Variants in PIP5K1B observed in about 807,000 individuals in gnomAD.
PIP5K1B encodes phosphatidylinositol 4-phosphate 5-kinase type-1 beta.
In PIP5K1B, 42 loss-of-function variants were observed where a neutral mutation model predicts 67.0. The observed-to-expected ratio is 0.63, with a 90% CI of 0.49 to 0.81. The LOEUF is 0.81. PIP5K1B is among the 30% of genes least tolerant of loss of function. PIP5K1B has a pLI of 0.00. For synonymous variants in PIP5K1B, 214 were observed against 231.4 expected, an observed-to-expected ratio of 0.92 and a Z score of 0.68; for missense variants, 459 against 646.3, an observed-to-expected ratio of 0.71 and a Z score of 3.14.
chr9:68,957,935 G>C lies in PIP5K1B; in HGVS notation c.1502+17145G>C, dbSNP rs545321627. ...GTTGCCCAGGCTGGAGTGCAGTGGT[G>C]CAATCTCAGCTCACTGCATCCTCTG... On this transcript the variant is annotated intron_variant, in intron 14 of 15. Transcript: ENST00000265382. Among the ~76,000 whole-genome samples the C allele has an allele frequency of 4.6e-5, 7 of 151,556 alleles. No individual in the cohort carries two copies. In the East Asian group the frequency reaches 9.7e-4, roughly 21 times the overall value.
intron 14 of PIP5K1B, among the ~76,000 whole-genome samples, chr9:68,968,972 G>T (rs1400836953): frequency 6.6e-6 from 1 of 152,114 alleles, no homozygotes; most frequent in African/African-American, 2.4e-5. Flanking sequence ...GACAAACCTG[G>T]GTTGGAAACC....
At chr9:68,851,259 G>T (rs543593756) in intron 4 of PIP5K1B, among the ~76,000 whole-genome samples, 1 of 152,244 alleles carries the variant, frequency 6.6e-6, no homozygotes, top group East Asian at 1.9e-4. Context: ...TGGATATACT[G>T]GGATCTTGTT....
chr9:68,956,936 A>G (rs1828428215), intron 14 of PIP5K1B, among the ~76,000 whole-genome samples: 1 of 152,190 alleles, frequency 6.6e-6, no homozygotes, highest in Admixed American at 6.5e-5. Context: ...AGAGGGCAGT[A>G]CAAATATTAC....
At chr9:68,715,956 T>G (rs1182225187) in intron 1 of PIP5K1B, among the ~76,000 whole-genome samples, 1 of 152,230 alleles carries the variant, frequency 6.6e-6, no homozygotes, top group Non-Finnish European at 1.5e-5. Context: ...ATACCTGAGA[T>G]ACTAGTGTCT....
intron 1 of PIP5K1B, among the ~76,000 whole-genome samples, chr9:68,737,731 C>A (rs938289241): frequency 1.4e-4 from 22 of 152,316 alleles, no homozygotes; most frequent in African/African-American, 5.1e-4. Context: ...ATTCCTAAAA[C>A]TTTCAATGTG....
At chr9:68,789,663 T>C in intron 2 of PIP5K1B, 2 of 317,518 alleles carry the variant, frequency 6.3e-6, no homozygotes, top group South Asian at 5.8e-5. Flanking sequence ...GAAAAGTCTA[T>C]AAATCATGAT....
chr9:68,774,417 T>A (rs894106168), intron 2 of PIP5K1B, among the ~76,000 whole-genome samples: 2 of 152,190 alleles, frequency 1.3e-5, no homozygotes, highest in East Asian at 3.8e-4. Flanking sequence ...AGATTTCTGG[T>A]TAGTGTTTGA....
chr9:68,894,606 G>A lies in PIP5K1B; in HGVS notation c.739G>A (p.Ala247Thr), dbSNP rs752068701. ...GTATTTTGATACGGAAACATACAAC[G>A]CGCTTATGAAAACACTTCAGAGAGA... ...GLYFDTETYN[A>T]LMKTLQRDCR... Residue 247 changes from alanine (A) to threonine (T), a missense_variant, in exon 8 of 16, where the codon GCG becomes ACG. Ala to Thr is a moderately conservative substitution (Grantham distance 58, BLOSUM62 0). This residue lies in a region of PIP5K1B where 290 missense variants were observed against 474.4 expected (regional missense o/e 0.61). Transcript: ENST00000265382. 1 of 1,614,084 alleles carries A rather than the reference G, an allele frequency of 6.2e-7. No homozygotes were observed.
chr9:68,817,440 A>G (rs1318619621), intron 2 of PIP5K1B, among the ~76,000 whole-genome samples: 5 of 152,262 alleles, frequency 3.3e-5, no homozygotes, highest in African/African-American at 1.2e-4. Flanking sequence ...AAGACTGTTT[A>G]TTCCTGCTCT....
intron 4 of PIP5K1B, among the ~76,000 whole-genome samples, chr9:68,831,359 C>T (rs1429438914): frequency 2.0e-5 from 3 of 152,238 alleles, no homozygotes; most frequent in African/African-American, 7.2e-5. Flanking sequence ...TTAGAAAATA[C>T]ATTTAATCTT....
chr9:68,978,337 T>G (rs1317946368), intron 14 of PIP5K1B, among the ~76,000 whole-genome samples: 1 of 152,258 alleles, frequency 6.6e-6, no homozygotes, highest in Non-Finnish European at 1.5e-5. Flanking sequence ...GAGTTCAGCT[T>G]TCTTAGATTT....
At chr9:68,789,561 T>C (rs1831840577) in intron 2 of PIP5K1B, 2 of 488,648 alleles carry the variant, frequency 4.1e-6, no homozygotes, top group Admixed American at 4.5e-5. Context: ...AGTAGCTTGT[T>C]CTTGCACCTC....
chr9:68,904,769 T>TTA (rs56025513), intron 8 of PIP5K1B, among the ~76,000 whole-genome samples: 5 of 150,432 alleles, frequency 3.3e-5, no homozygotes, highest in Admixed American at 6.6e-5. Flanking sequence ...TTTTTTTTTT[T>TTA]AAACTCTCAC....
At chr9:68,959,666 T>C (rs1828608434) in intron 14 of PIP5K1B, among the ~76,000 whole-genome samples, 1 of 152,226 alleles carries the variant, frequency 6.6e-6, no homozygotes, top group Non-Finnish European at 1.5e-5. Context: ...TCCTATTAGA[T>C]TGTAATTTAC....
chr9:69,006,539 G>A (rs1324007424), intron 15 of PIP5K1B, among the ~76,000 whole-genome samples: 1 of 152,156 alleles, frequency 6.6e-6, no homozygotes, highest in Non-Finnish European at 1.5e-5. Context: ...TAATACCTAA[G>A]CCTTTCTTCC....
chr9:68,843,058 T>C (rs981820193), intron 4 of PIP5K1B: 3 of 152,168 alleles, frequency 2.0e-5, no homozygotes, highest in African/African-American at 7.2e-5. Flanking sequence ...GTCCTATGGT[T>C]GAGGATTTTT....
At chr9:68,865,358 A>G (rs548610070) in intron 5 of PIP5K1B, among the ~76,000 whole-genome samples, 6 of 151,528 alleles carry the variant, frequency 4.0e-5, no homozygotes, top group Non-Finnish European at 8.8e-5. Flanking sequence ...GGGGGTCATG[A>G]GTTTATCTTC....
intron 15 of PIP5K1B, among the ~76,000 whole-genome samples, chr9:68,999,371 C>T (rs139547322): frequency 6.6e-5 from 10 of 152,330 alleles, no homozygotes; most frequent in Non-Finnish European, 1.5e-4. Context: ...CTGCTCCTTA[C>T]CACACATAGC....
intron 2 of PIP5K1B, chr9:68,780,962 C>T (rs778750045): frequency 1.9e-6 from 3 of 1,614,232 alleles, no homozygotes; most frequent in Non-Finnish European, 2.5e-6. Context: ...CTACCACCGA[C>T]TCTCCTGTGT....
Sources: allele counts gnomAD v4.1 joint callset (sites outside exome capture counted in the v4.1 genomes callset), GRCh38; gene constraint gnomAD v4.1.1; regional missense constraint gnomAD v4.1.1; transcripts MANE v1.5; gene names NCBI Gene and HGNC (gene_info 2026-07-23, HGNC 2026-07-21).